The following RBFOX1 variants were observed in gnomAD, a reference collection of about 807,000 sequenced individuals.
RBFOX1 encodes the protein RNA binding fox-1 homolog 1, also known as RNA binding protein fox-1 homolog 1.
Under a neutral mutation model 57.7 loss-of-function variants are expected in RBFOX1, and 8 were observed. The ratio of observed to expected loss-of-function variants is 0.14; its 90% confidence interval spans 0.08 to 0.25. The LOEUF (loss-of-function observed/expected upper bound fraction) is 0.25, where lower values mean the gene tolerates loss of function less well. RBFOX1 is among the 10% of genes least tolerant of loss of function. The probability of loss-of-function intolerance (pLI) is 1.00; values close to 1 mark genes in which losing one functional copy is unlikely to be tolerated. For synonymous variants in RBFOX1, 326 were observed against 222.4 expected (o/e 1.47, Z -4.15); for missense variants, 611 against 548.5 (o/e 1.11, Z -1.14).
intron 4 of RBFOX1, among the ~76,000 whole-genome samples, chr16:6,005,364 G>T (rs956392019): frequency 2.0e-5 from 3 of 152,198 alleles, no homozygotes; most frequent in Non-Finnish European, 4.4e-5. Flanking sequence ...GCCAATGTTT[G>T]TTGAGCATCT....
chr16:6,162,395 G>A (rs1421805508), intron 1 of RBFOX1, among the ~76,000 whole-genome samples: 1 of 152,148 alleles, frequency 6.6e-6, no homozygotes, highest in Non-Finnish European at 1.5e-5. Flanking sequence ...GATTACTGTC[G>A]TGAGCCACTG....
At chr16:6,825,589 T>A (rs2092016120) in intron 3 of RBFOX1, among the ~76,000 whole-genome samples, 1 of 152,166 alleles carries the variant, frequency 6.6e-6, no homozygotes, top group South Asian at 2.1e-4. Context: ...AGTTCCATTT[T>A]CTCTTCCTTT....
chr16:6,966,794 T>G (rs904249643), intron 3 of RBFOX1, among the ~76,000 whole-genome samples: 2 of 105,676 alleles, frequency 1.9e-5, no homozygotes, highest in African/African-American at 9.3e-5. Flanking sequence ...TATCTATCTG[T>G]CTGTCTGTCT....
At chr16:6,434,494 C>T (rs765108673) in intron 2 of RBFOX1, among the ~76,000 whole-genome samples, 2 of 152,176 alleles carry the variant, frequency 1.3e-5, no homozygotes, top group Non-Finnish European at 2.9e-5. Flanking sequence ...CATTTGTGAA[C>T]TGTGTATTCA....
Position 7,000,556 on chromosome 16 carries a change from C to T in RBFOX1, c.-15-51501C>T, listed in dbSNP as rs1026483270. 2.7e-5 allele frequency among the ~76,000 whole-genome samples: 4 copies of T among 147,806 alleles called. No homozygotes were observed. The South Asian group carries it at 6.5e-4, about 24-fold the overall frequency. ...TTCAATTTTGCTTTTGGCAAAAACA[C>T]ATAATAAGTTTTCTTTTCTTTTTTT... On this transcript the variant is annotated intron_variant, in intron 3 of 15. Transcript: ENST00000550418.
intron 2 of RBFOX1, among the ~76,000 whole-genome samples, chr16:5,489,003 T>C (rs1439496943): frequency 6.6e-6 from 1 of 152,228 alleles, no homozygotes. Context: ...AAATTCCCTT[T>C]CTGTCATTTT....
chr16:7,067,950 C>CG (rs1567139819), intron 4 of RBFOX1, among the ~76,000 whole-genome samples: 1 of 130,988 alleles, frequency 7.6e-6, no homozygotes, highest in African/African-American at 3.7e-5. Flanking sequence ...TAGAGGGCGC[C>CG]ATTTTTTTTT....
chr16:7,378,656 T>C (rs2097729523), intron 4 of RBFOX1, among the ~76,000 whole-genome samples: 1 of 152,176 alleles, frequency 6.6e-6, no homozygotes, highest in African/African-American at 2.4e-5. Context: ...CAAATTCAGT[T>C]TTGACCTCCC....
At chr16:7,131,675 A>G (rs748171644) in intron 4 of RBFOX1, among the ~76,000 whole-genome samples, 8 of 151,992 alleles carry the variant, frequency 5.3e-5, no homozygotes, top group South Asian at 2.1e-4. Flanking sequence ...CATAAAGTCA[A>G]TATTGTCTTT....
chr16:7,145,205 G>C (rs1049520350), intron 4 of RBFOX1, among the ~76,000 whole-genome samples: 30 of 151,856 alleles, frequency 2.0e-4, no homozygotes, highest in Admixed American at 1.6e-3. Flanking sequence ...GTTTTGTTTT[G>C]TTTTGTTTTT....
At chr16:6,547,585 TTC>T (rs2096913890) in intron 2 of RBFOX1, among the ~76,000 whole-genome samples, 1 of 152,180 alleles carries the variant, frequency 6.6e-6, no homozygotes, top group Non-Finnish European at 1.5e-5. Flanking sequence ...AACACCTTTT[TTC>T]TCTGTCTCCT....
At position 6,002,990 on chromosome 16, in the gene RBFOX1, G is replaced by A. The variant is rs527624542; in HGVS notation, c.351+135655G>A. On this transcript the variant is annotated intron_variant, in intron 4 of 19. Coordinates refer to the RBFOX1 transcript ENST00000641259. ...TCCTCGTTGGGGGACACAAGAAATGGGAGGGAAGACTGGGCGTGGTGGCTC... is the reference window on the plus strand; with the variant it reads ...TCCTCGTTGGGGGACACAAGAAATGAGAGGGAAGACTGGGCGTGGTGGCTC... 4.6e-5 allele frequency among the ~76,000 whole-genome samples: 7 copies of A among 152,248 alleles called. No individual in the cohort carries two copies. The East Asian group carries it at 1.4e-3, about 30-fold the overall frequency.
intron 3 of RBFOX1, among the ~76,000 whole-genome samples, chr16:6,874,724 A>C (rs577882016): frequency 2.6e-5 from 4 of 152,092 alleles, no homozygotes; most frequent in South Asian, 2.1e-4. Flanking sequence ...GAGCTAAGCT[A>C]TAAGGACACA....
At chr16:6,132,434 C>G (rs1567529171) in intron 1 of RBFOX1, among the ~76,000 whole-genome samples, 1 of 152,186 alleles carries the variant, frequency 6.6e-6, no homozygotes, top group South Asian at 2.1e-4. Context: ...AGCTTGAATT[C>G]CTGAGCTAGT....
rs148536393 is a variant in RBFOX1, at chr16:5,854,158, C to G, written c.319-13145C>G. On this transcript the variant is annotated intron_variant, in intron 3 of 19. Transcript: ENST00000641259. ...TCAAGCTAATGATCATATCTGTCAC[C>G]TCACATAGTTATGATTTGAGTGTGC... Among the ~76,000 whole-genome samples, 6 of 152,312 alleles carry G rather than the reference C, an allele frequency of 3.9e-5. No homozygotes were observed. In the East Asian group the frequency reaches 1.2e-3, roughly 29 times the overall value.
chr16:6,400,254 T>G (rs2093014236), intron 2 of RBFOX1, among the ~76,000 whole-genome samples: 1 of 152,224 alleles, frequency 6.6e-6, no homozygotes, highest in South Asian at 2.1e-4. Flanking sequence ...TAACTATGTT[T>G]TCTGGCAACA....
rs1398573247 is a variant in RBFOX1, at chr16:6,609,787, A to T, written c.-63-44816A>T. Among the ~76,000 whole-genome samples the T allele has an allele frequency of 1.4e-4, 22 of 152,098 alleles. No homozygotes were observed. In the East Asian group the frequency reaches 3.9e-3, roughly 27 times the overall value. On this transcript the variant is annotated intron_variant, in intron 2 of 15. Transcript: ENST00000550418. ...CACTTTGGGAGGCCGAGGCAGGCAA[A>T]TTACAAGGTCAAAAGGTCAAGACCA...
At chr16:5,531,074 G>A (rs1245047661) in intron 2 of RBFOX1, among the ~76,000 whole-genome samples, 1 of 151,816 alleles carries the variant, frequency 6.6e-6, no homozygotes, top group African/African-American at 2.4e-5. Context: ...GCAGTAAGCC[G>A]AGATTGCGCC....
In RBFOX1 at chr16:7,504,739, A is replaced by ATT. The variant is rs1555526342; in HGVS notation, c.28-13407_28-13406insTT. Among the ~76,000 whole-genome samples the ATT allele has an allele frequency of 3.9e-3, 31 of 7,946 alleles. 1 individual carries two copies. The highest frequency in any genetic ancestry group is 4.7e-3 in the Non-Finnish European group (20 of 4,236). The allele number at this position is 7,946 out of a possible 152,430, so 5.2% of individuals were successfully genotyped here. On this transcript the variant is annotated intron_variant, in intron 4 of 15. Transcript: ENST00000550418. Reference sequence around the variant, plus strand: ...TATATATATATATATATATATATATATATATATATATATATTTATATATAT... The same window carrying ATT: ...TATATATATATATATATATATATATATTTATATATATATATATTTATATATAT...
Sources: allele counts gnomAD v4.1 joint callset (sites outside exome capture counted in the v4.1 genomes callset), GRCh38; gene constraint gnomAD v4.1.1; transcripts MANE v1.5; gene names NCBI Gene and HGNC (gene_info 2026-07-23, HGNC 2026-07-21).